Variants in PKHD1L1 observed in about 807,000 individuals in gnomAD.
PKHD1L1 encodes fibrocystin-L.
PKHD1L1 carries 434 observed loss-of-function variants against 462.9 expected under a neutral mutation model. The ratio of observed to expected loss-of-function variants is 0.94; its 90% CI spans 0.87 to 1.02. PKHD1L1 has a LOEUF of 1.02. Among genes scored for constraint, PKHD1L1 ranks in the 50% least tolerant of loss-of-function variants. The pLI is 0.00. For missense variants in PKHD1L1, 5,202 were observed against 5,096.1 expected (o/e 1.02, Z -0.63); for synonymous variants, 1,781 against 1,750.0 (o/e 1.02, Z -0.44).
chr8:109,465,298 TA>T, intron 49 of PKHD1L1, 53 bp downstream of exon 49: 1 of 1,543,296 alleles, frequency 6.5e-7, no homozygotes, highest in Non-Finnish European at 8.8e-7. Flanking sequence ...ATGTTTGTGT[TA>T]GCACAGAATT....
chr8:109,399,071 C>T (rs540863435), intron 12 of PKHD1L1, among the ~76,000 whole-genome samples: 30 of 152,156 alleles, frequency 2.0e-4, no homozygotes, highest in African/African-American at 5.5e-4. Flanking sequence ...CATGTGTCTG[C>T]GTGTGGTGTG....
At chr8:109,403,947 C>T (rs1000780881) in intron 14 of PKHD1L1, among the ~76,000 whole-genome samples, 7 of 152,046 alleles carry the variant, frequency 4.6e-5, no homozygotes, top group African/African-American at 1.7e-4. Flanking sequence ...CTTGGGTACA[C>T]AGTAGGATGA....
chr8:109,454,597 A>G, intron 44 of PKHD1L1, 126 bp from the exon 45 acceptor site: 1 of 1,343,090 alleles, frequency 7.4e-7, no homozygotes, highest in Non-Finnish European at 1.0e-6. Context: ...CAAAAGAAAG[A>G]TATGAACAAC....
At chr8:109,373,860 G>T (rs1475897880) in intron 2 of PKHD1L1, among the ~76,000 whole-genome samples, 1 of 152,140 alleles carries the variant, frequency 6.6e-6, no homozygotes, top group Non-Finnish European at 1.5e-5. Context: ...TTGCAGTGTG[G>T]TCTGAGACAG....
intron 2 of PKHD1L1, among the ~76,000 whole-genome samples, chr8:109,374,416 C>G (rs967542697): frequency 4.6e-5 from 7 of 152,156 alleles, no homozygotes; most frequent in African/African-American, 7.2e-5. Context: ...GATGGGTTTC[C>G]TGAATACAGC....
At chr8:109,426,256 C>T (rs927126318) in intron 24 of PKHD1L1, among the ~76,000 whole-genome samples, 2 of 151,758 alleles carry the variant, frequency 1.3e-5, no homozygotes, top group Admixed American at 6.6e-5. Flanking sequence ...TAATCAAAAT[C>T]GATTTTAAAA....
rs1325623562 is a variant in PKHD1L1 at position 109,394,554 on chromosome 8, C to T, written c.811+69C>T. On this transcript the variant is annotated intron_variant, in intron 10 of 77. Transcript: ENST00000378402. Reference sequence around the variant, plus strand: ...GCAGTGTATAATTGATTTAATCAAACCAAAGACAATGAGTGTAAGGTGTAT... The same window carrying T: ...GCAGTGTATAATTGATTTAATCAAATCAAAGACAATGAGTGTAAGGTGTAT... The T allele has an allele frequency of 2.8e-6, 3 of 1,060,070 alleles. No homozygotes were observed. The African/African-American group carries it at 4.9e-5, about 17-fold the overall frequency. 65.7% of individuals were successfully genotyped at this position (1,060,070 alleles called of 1,614,324 possible).
chr8:109,363,939 C>T (rs1455782194), intron 1 of PKHD1L1, among the ~76,000 whole-genome samples: 1 of 152,146 alleles, frequency 6.6e-6, no homozygotes, highest in Non-Finnish European at 1.5e-5. Flanking sequence ...GACTGTTACA[C>T]ATTTATGTAT....
At chr8:109,390,836 A>G (rs1321463554) in intron 9 of PKHD1L1, among the ~76,000 whole-genome samples, 2 of 152,198 alleles carry the variant, frequency 1.3e-5, no homozygotes, top group African/African-American at 4.8e-5. Context: ...GGAAGAATAA[A>G]AAAAACCTCA....
chr8:109,468,605 T>G (rs1817565415), intron 50 of PKHD1L1, among the ~76,000 whole-genome samples: 1 of 152,334 alleles, frequency 6.6e-6, no homozygotes, highest in Non-Finnish European at 1.5e-5. Context: ...ATTCTGGAAC[T>G]GGAGAAAGAA....
intron 50 of PKHD1L1, among the ~76,000 whole-genome samples, chr8:109,471,349 C>T (rs776305872): frequency 1.6e-4 from 25 of 151,958 alleles, no homozygotes; most frequent in Non-Finnish European, 2.9e-4. Context: ...AATAATGCAA[C>T]GCAGGAGGAG....
Position 109,491,974 on chromosome 8 carries a change from C to T in PKHD1L1, c.10216C>T (p.Leu3406Phe), listed in dbSNP as rs1277544746. 7 of 1,562,670 alleles carry T rather than the reference C, an allele frequency of 4.5e-6. No individual in the cohort carries two copies. The Admixed American group carries it at 9.2e-5, about 21-fold the overall frequency. ...GAACAGAAAAGATTTAAGTTCAACT[C>T]TCTGGCATGCAGCAATTGAGGTAGT... ...YQNRKDLSSTLWHAAIEINRG... is the reference protein window; with the variant it reads ...YQNRKDLSSTFWHAAIEINRG... The change falls in exon 62 of 78, where the codon CTC (leucine) becomes TTC (phenylalanine). Residue 3406 changes from leucine to phenylalanine, a missense_variant. By Grantham distance (22) the Leu-to-Phe change is conservative (BLOSUM62 0). Transcript: ENST00000378402.
intron 9 of PKHD1L1, among the ~76,000 whole-genome samples, chr8:109,390,954 T>C (rs186867141): frequency 2.0e-5 from 3 of 152,296 alleles, no homozygotes; most frequent in Non-Finnish European, 2.9e-5. Flanking sequence ...GCAATATTAA[T>C]AACTCATATT....
chr8:109,433,651 A>G (rs1040123303), intron 28 of PKHD1L1, among the ~76,000 whole-genome samples: 3 of 152,238 alleles, frequency 2.0e-5, no homozygotes, highest in Non-Finnish European at 4.4e-5. Context: ...CCATTAATGT[A>G]GAATTTAAAG....
chr8:109,497,422 A>T (rs1048389917), intron 65 of PKHD1L1, 150 bp downstream of exon 65: 3 of 985,490 alleles, frequency 3.0e-6, no homozygotes, highest in African/African-American at 3.4e-5. Flanking sequence ...TCTGCCTAAA[A>T]AACCGTTCTT....
chr8:109,452,423 A>T (rs769136042), intron 42 of PKHD1L1, 143 bp downstream of exon 42: 1 of 846,888 alleles, frequency 1.2e-6, no homozygotes, highest in Non-Finnish European at 1.6e-6. Flanking sequence ...AGTAGCTTAC[A>T]TTTTTTGTTG....
At chr8:109,515,041 C>T (rs1036525610) in intron 71 of PKHD1L1, 129 bp from the exon 72 acceptor site, 2 of 707,178 alleles carry the variant, frequency 2.8e-6, no homozygotes, top group Admixed American at 3.7e-5. Context: ...TAGTTCATCC[C>T]TTATCCCAAA....
chr8:109,506,027 G>T (rs1244092674), intron 68 of PKHD1L1, among the ~76,000 whole-genome samples: 1 of 152,156 alleles, frequency 6.6e-6, no homozygotes, highest in Non-Finnish European at 1.5e-5. Flanking sequence ...TTCAGTGTTT[G>T]GGGGGTCAAC....
At chr8:109,523,141 G>T in intron 75 of PKHD1L1, 92 bp from the exon 76 acceptor site, 2 of 1,231,632 alleles carry the variant, frequency 1.6e-6, no homozygotes, top group Non-Finnish European at 2.2e-6. Context: ...AATTTATAAT[G>T]AGGCATTTTT....
Sources: gnomAD v4.1 joint callset for allele counts (sites outside exome capture counted in the v4.1 genomes callset) on GRCh38, gnomAD v4.1.1 for gene constraint, MANE v1.5 for transcripts, NCBI Gene and HGNC (gene_info 2026-07-23, HGNC 2026-07-21) for gene names.